Variants in PPM1G observed in about 807,000 individuals in gnomAD.
PPM1G encodes the protein protein phosphatase, Mg2+/Mn2+ dependent 1G.
A neutral mutation model predicts 59.4 loss-of-function variants in PPM1G; 12 were observed. The ratio of observed to expected loss-of-function variants is 0.20; its 90% CI spans 0.13 to 0.33. The LOEUF is 0.33. Among genes scored for constraint, PPM1G ranks in the 10% least tolerant of loss-of-function variants. The probability of loss-of-function intolerance (pLI) is 1.00; values close to 1 mark genes in which losing one functional copy is unlikely to be tolerated. For missense variants in PPM1G, 392 were observed against 681.3 expected (o/e 0.58, Z 4.73); for synonymous variants, 245 against 251.9 (o/e 0.97, Z 0.26).
In PPM1G at chr2:27,383,494, T is replaced by C; in HGVS notation, c.1073A>G (p.Lys358Arg). Residue 358 changes from lysine (K) to arginine (R), a missense_variant, in exon 7 of 10, where the codon AAA becomes AGA. Around this residue, in one of 6 missense-constraint regions of PPM1G, gnomAD observed 53 missense variants for 175.4 expected, o/e 0.30. Transcript: ENST00000344034. The surrounding 1 kb of genome is among the most constrained non-coding windows in gnomAD (Gnocchi z 5.0). ...DSRCVVSEAG[K>R]ALDMSYDHKP... is the part of the protein sequence containing the mutation. Reference sequence around the variant, plus strand: ...GTGATCATAGGACATGTCTAAAGCTTTGCCAGCCTCAGATACCACACAGCG... The same window carrying C: ...GTGATCATAGGACATGTCTAAAGCTCTGCCAGCCTCAGATACCACACAGCG... 5 of 1,614,142 alleles carry C rather than the reference T, an allele frequency of 3.1e-6. No homozygotes were observed. The highest frequency in any genetic ancestry group is 4.2e-6 in the Non-Finnish European group (5 of 1,180,012).
Position 27,383,305 on chromosome 2 carries a change from C to T in PPM1G, c.1201+61G>A, listed in dbSNP as rs1333422360. On this transcript the variant is annotated intron_variant, in intron 7 of 9. Coordinates refer to ENST00000344034, the MANE Select transcript of PPM1G (RefSeq NM_177983.3). This position sits in a 1 kb window ranked among gnomAD's most constrained non-coding sequence, Gnocchi z 5.0. ...GCACTAGGAAGATTAAAGTTTGCTA[C>T]TAGGTAGTCTGGGACAGAGAGAAAG... The T allele has an allele frequency of 8.8e-6, 13 of 1,482,774 alleles. No individual in the cohort carries two copies. The highest frequency in any genetic ancestry group is 1.7e-4 in the Middle Eastern group (1 of 5,768). 91.9% of individuals were successfully genotyped at this position (1,482,774 alleles called of 1,614,324 possible).
chr2:27,405,636 T>G (rs1474813724), intron 1 of PPM1G, among the ~76,000 whole-genome samples: 2 of 145,978 alleles, frequency 1.4e-5, no homozygotes, highest in African/African-American at 5.1e-5. Context: ...TCAGGTGATC[T>G]GCCCCCCTCG....
chr2:27,400,722 T>C (rs1352418695), intron 1 of PPM1G, among the ~76,000 whole-genome samples: 2 of 152,214 alleles, frequency 1.3e-5, no homozygotes, highest in East Asian at 3.8e-4. Context: ...GGTCTTTTGC[T>C]TCCCTTCCAT....
At chr2:27,381,827 C>G in intron 9 of PPM1G, 22 bp from the exon 10 acceptor site, 1 of 1,609,798 alleles carries the variant, frequency 6.2e-7, no homozygotes. Context: ...ATGGGGGTAG[C>G]TCAGCCACAG....
intron 1 of PPM1G, among the ~76,000 whole-genome samples, chr2:27,404,498 C>T (rs1005797449): frequency 4.0e-5 from 6 of 150,394 alleles, no homozygotes; most frequent in Non-Finnish European, 8.9e-5. Context: ...TTCAGTGAGC[C>T]GAGATCAAGC....
At chr2:27,407,552 C>A (rs1481514586) in intron 1 of PPM1G, among the ~76,000 whole-genome samples, 1 of 152,104 alleles carries the variant, frequency 6.6e-6, no homozygotes, top group Non-Finnish European at 1.5e-5. Context: ...CAGACGTGAG[C>A]CACTGCGCCC....
chr2:27,382,528 G>A lies in PPM1G; in HGVS notation c.1279C>T (p.Leu427=). 6.2e-7 allele frequency: 1 copy of A among 1,614,208 alleles called. No homozygotes were observed. Among genetic ancestry groups the A allele is most frequent in the Non-Finnish European group, 8.5e-7 (1 of 1,180,032 alleles). Residue 427 remains leucine, a synonymous_variant, in exon 8 of 10, where the codon CTG becomes TTG. Coordinates refer to ENST00000344034, the MANE Select transcript of PPM1G (RefSeq NM_177983.3). This position sits in a 1 kb window ranked among gnomAD's most constrained non-coding sequence, Gnocchi z 4.2. ...AATTCATGGTCGTCAGTGAGAGTCA[G>A]CACCTTGATGTCAGGAAGGGCTGAA... The part of the protein sequence containing the change: ...MISALPDIKV[L]TLTDDHEFMV...
chr2:27,402,095 G>A (rs1304147671), intron 1 of PPM1G, among the ~76,000 whole-genome samples: 1 of 151,050 alleles, frequency 6.6e-6, no homozygotes, highest in African/African-American at 2.4e-5. Flanking sequence ...ATGATTAAAA[G>A]GTGTTGTTTT....
chr2:27,387,805 T>C (rs2148419833), intron 1 of PPM1G, among the ~76,000 whole-genome samples: 1 of 151,820 alleles, frequency 6.6e-6, no homozygotes, highest in East Asian at 2.0e-4. Flanking sequence ...TATTTATTTA[T>C]TATTATTTTT....
Position 27,383,453 on chromosome 2 carries a change from C to T in PPM1G, c.1114G>A (p.Val372Ile). Residue 372 changes from valine to isoleucine, a missense_variant, in exon 7 of 10, where the codon GTA becomes ATA. By Grantham distance (29) the Val-to-Ile change is conservative (BLOSUM62 3). Around this residue, in one of 6 missense-constraint regions of PPM1G, gnomAD observed 53 missense variants for 175.4 expected, o/e 0.30. Coordinates refer to ENST00000344034, the MANE Select transcript of PPM1G (RefSeq NM_177983.3). The surrounding 1 kb of genome is among the most constrained non-coding windows in gnomAD (Gnocchi z 5.0). Reference sequence around the variant, plus strand: ...GCATTCTTGATGCGTGCTAGTTCTACTTCATCCTCTGGTTTGTGATCATAG... The same window carrying T: ...GCATTCTTGATGCGTGCTAGTTCTATTTCATCCTCTGGTTTGTGATCATAG... ...MSYDHKPEDE[V>I]ELARIKNAGG... The T allele has an allele frequency of 6.2e-7, 1 of 1,614,210 alleles. No individual in the cohort carries two copies. Among genetic ancestry groups the T allele is most frequent in the Non-Finnish European group, 8.5e-7 (1 of 1,180,046 alleles).
chr2:27,407,379 T>C (rs1663408067), intron 1 of PPM1G, among the ~76,000 whole-genome samples: 1 of 152,126 alleles, frequency 6.6e-6, no homozygotes. Context: ...ATTTTCTATC[T>C]CAGCCTCCCA....
chr2:27,401,935 G>A (rs1684188790), intron 1 of PPM1G, among the ~76,000 whole-genome samples: 1 of 152,026 alleles, frequency 6.6e-6, no homozygotes, highest in African/African-American at 2.4e-5. Context: ...TACTCTTAAA[G>A]TGAGTTCATA....
chr2:27,389,219 T>C (rs1683839824), intron 1 of PPM1G, among the ~76,000 whole-genome samples: 1 of 152,126 alleles, frequency 6.6e-6, no homozygotes, highest in Non-Finnish European at 1.5e-5. Flanking sequence ...CTTTGTAAAC[T>C]GGAATTTGCT....
rs1288965609 is a variant in PPM1G at position 27,381,361 on chromosome 2, A to C, written c.*238T>G. The C allele has an allele frequency of 2.3e-5, 13 of 573,074 alleles. No homozygotes were observed. Among genetic ancestry groups the C allele is most frequent in the Non-Finnish European group, 3.4e-5 (11 of 319,186 alleles). The allele number at this position is 573,074 out of a possible 1,614,324, so 35.5% of individuals were successfully genotyped here. ...CGCCAGTCCTTCCCTCCAACACAAC[A>C]GAGCACAGGCACAGAACCGGTGATG... On this transcript the variant is annotated 3_prime_UTR_variant, in exon 10 of 10. Transcript: ENST00000344034.
chr2:27,398,408 C>A (rs1392874346), intron 1 of PPM1G, among the ~76,000 whole-genome samples: 2 of 152,072 alleles, frequency 1.3e-5, no homozygotes, highest in African/African-American at 4.8e-5. Flanking sequence ...TAGAAGAAAA[C>A]CTAAGAGAAA....
rs1460842416 is a variant in PPM1G at position 27,385,385 on chromosome 2, G to A, written c.410-297C>T. On this transcript the variant is annotated intron_variant, in intron 4 of 9. Coordinates refer to ENST00000344034, the MANE Select transcript of PPM1G (RefSeq NM_177983.3). This position sits in a 1 kb window ranked among gnomAD's most constrained non-coding sequence, Gnocchi z 4.1. ...AACCCTATTCTGGCTGAGGATCCAG[G>A]AAGCCCACAATGCTACTGTGAATTA... 7.1e-6 allele frequency: 3 copies of A among 421,852 alleles called. No individual in the cohort carries two copies. Among genetic ancestry groups the A allele is most frequent in the Non-Finnish European group, 8.4e-6 (2 of 239,440 alleles). 26.1% of individuals were successfully genotyped at this position (421,852 alleles called of 1,614,324 possible). A position where few individuals can be genotyped will look rare whatever the true frequency, so the allele number is the denominator to read the frequency against.
In PPM1G at chr2:27,384,984, T is replaced by C. The variant is rs757685868; in HGVS notation, c.514A>G (p.Lys172Glu). The C allele has an allele frequency of 1.2e-6, 2 of 1,614,232 alleles. No individual in the cohort carries two copies. The highest frequency in any genetic ancestry group is 1.7e-6 in the Non-Finnish European group (2 of 1,180,044). Reference sequence around the variant, plus strand: ...TCCTCGCCTGTCCCACCTCCAGATTTGCTGTGGGGAGGGCCCTTGTGACAG... The same window carrying C: ...TCCTCGCCTGTCCCACCTCCAGATTCGCTGTGGGGAGGGCCCTTGTGACAG... ...QNCHKGPPHSKSGGGTGEEPG... is the reference protein window; with the variant it reads ...QNCHKGPPHSESGGGTGEEPG... Residue 172 changes from lysine (K) to glutamate (E), a missense_variant, in exon 5 of 10, where the codon AAA becomes GAA. By Grantham distance (56) the Lys-to-Glu change is moderately conservative. Transcript: ENST00000344034. This position sits in a 1 kb window ranked among gnomAD's most constrained non-coding sequence, Gnocchi z 4.8.
chr2:27,406,550 A>T (rs1415309986), intron 1 of PPM1G, among the ~76,000 whole-genome samples: 2 of 152,258 alleles, frequency 1.3e-5, no homozygotes, highest in Non-Finnish European at 2.9e-5. Flanking sequence ...GTTATCTCTC[A>T]GGAGGAAGAT....
rs920204648 is a variant in PPM1G, at chr2:27,384,450, G to C, written c.825+223C>G. ...CTAGGAGACAGACTCTGAAAAGCCA[G>C]AACTAGATCTGCTTGTTATAGTACC... On this transcript the variant is annotated intron_variant, in intron 5 of 9. Transcript: ENST00000344034. The surrounding 1 kb of genome is among the most constrained non-coding windows in gnomAD (Gnocchi z 4.8). 1.1e-4 allele frequency among the ~76,000 whole-genome samples: 17 copies of C among 152,184 alleles called. No homozygotes were observed. Among genetic ancestry groups the C allele is most frequent in the African/African-American group, 3.1e-4 (13 of 41,440 alleles).
Sources: allele counts gnomAD v4.1 joint callset (sites outside exome capture counted in the v4.1 genomes callset), GRCh38; gene constraint gnomAD v4.1.1; regional missense constraint gnomAD v4.1.1; non-coding constraint Gnocchi (gnomAD v3.1); transcripts MANE v1.5; gene names NCBI Gene and HGNC (gene_info 2026-07-23, HGNC 2026-07-21).